EIF3A: variants seen among roughly 807,000 people sequenced by gnomAD.
EIF3A encodes the protein eukaryotic translation initiation factor 3 subunit A, also known as EIF3, p180 subunit.
EIF3A carries 21 observed loss-of-function variants against 186.6 expected under a neutral mutation model. That is an observed-to-expected ratio of 0.11 (90% CI 0.08 to 0.16). EIF3A has a LOEUF of 0.16. Among genes scored for constraint, EIF3A ranks in the 10% least tolerant of loss-of-function variants. The pLI is 1.00. For missense variants in EIF3A, 1,306 were observed against 1,796.3 expected (o/e 0.73, Z 4.93); for synonymous variants, 563 against 584.3 (o/e 0.96, Z 0.52).
At position 119,065,482 on chromosome 10, in the gene EIF3A, T is replaced by C. The variant is rs766634954; in HGVS notation, c.1039A>G (p.Ile347Val). ...DIARLLDMDGIIVEKQRRLAT... is the reference protein window; with the variant it reads ...DIARLLDMDGVIVEKQRRLAT... Reference sequence around the variant, plus strand: ...AGGCGACGCTGTTTTTCAACTATAATGCCATCCATATCCAGAAGTCGAGCA... The same window carrying C: ...AGGCGACGCTGTTTTTCAACTATAACGCCATCCATATCCAGAAGTCGAGCA... Residue 347 changes from isoleucine (I) to valine (V), a missense_variant, in exon 7 of 22, where the codon ATT becomes GTT. By Grantham distance (29) the Ile-to-Val change is conservative. Around this residue, in one of 8 missense-constraint regions of EIF3A, gnomAD observed 267 missense variants for 367.8 expected, o/e 0.73. Coordinates refer to ENST00000369144, the MANE Select transcript of EIF3A (RefSeq NM_003750.4). The C allele has an allele frequency of 3.7e-6, 6 of 1,613,440 alleles. No homozygotes were observed. In the African/African-American group the frequency reaches 5.3e-5, roughly 14 times the overall value.
In EIF3A at chr10:119,073,476, A is replaced by AT; in HGVS notation, c.341dup (p.Asp114GlufsTer7). ...TTTGAATATTATCTAGATCCTCTATATCTAAGACCATCTGCTGAGATTCTT... is the reference window on the plus strand; with the variant it reads ...TTTGAATATTATCTAGATCCTCTATATTCTAAGACCATCTGCTGAGATTCTT... On this transcript the variant is annotated frameshift_variant, in exon 3 of 22. Coordinates refer to ENST00000369144, the MANE Select transcript of EIF3A (RefSeq NM_003750.4). LOFTEE classifies it high-confidence loss of function. 1 of 1,607,672 alleles carries AT rather than the reference A, an allele frequency of 6.2e-7. No homozygotes were observed. Among genetic ancestry groups the AT allele is most frequent in the Non-Finnish European group, 8.5e-7 (1 of 1,174,330 alleles).
Position 119,048,206 on chromosome 10 carries a change from G to A in EIF3A, c.2658+1595C>T, listed in dbSNP as rs1300054010. ...AACAGCAGGCACAGTGATCAAACAT[G>A]CTGTATTATGAAAAATCAAGCAGGC... On this transcript the variant is annotated intron_variant, in intron 17 of 21. Transcript: ENST00000369144. Among the ~76,000 whole-genome samples, 4 of 146,948 alleles carry A rather than the reference G, an allele frequency of 2.7e-5. 1 individual carries two copies. In the South Asian group the frequency reaches 6.2e-4, roughly 23 times the overall value.
rs1440024862 is a variant in EIF3A, at chr10:119,071,104, A to G, written c.542-19T>C. The G allele has an allele frequency of 6.4e-7, 1 of 1,553,202 alleles. No homozygotes were observed. Among genetic ancestry groups the G allele is most frequent in the South Asian group, 1.1e-5 (1 of 89,766 alleles). The stretch of plus-strand genomic sequence containing the variant: ...TTGAAAGCTATAAGCATAATTGTAA[A>G]ATATATTAGGTACCTTCCACTATCT... On this transcript the variant is annotated intron_variant, in intron 4 of 21. Transcript: ENST00000369144.
intron 12 of EIF3A, 150 bp downstream of exon 12, chr10:119,057,806 A>C (rs545065269): frequency 1.5e-6 from 1 of 654,316 alleles, no homozygotes; most frequent in South Asian, 1.9e-5. Flanking sequence ...AGAGCAATAA[A>C]CATATGCTTA....
In EIF3A at chr10:119,061,284, G is replaced by A. The variant is rs1317016267; in HGVS notation, c.1167C>T (p.Asp389=). The change falls in exon 8 of 22, where the codon GAC becomes GAT. Residue 389 remains aspartate (D), a synonymous_variant. Transcript: ENST00000369144. ...ATTCTACTTCAAGCCAATTGTAAAGGTCTTTCACTTCTGGGACAACATATT... is the reference window on the plus strand; with the variant it reads ...ATTCTACTTCAAGCCAATTGTAAAGATCTTTCACTTCTGGGACAACATATT... ...VLQYVVPEVK[D]LYNWLEVEFN... The A allele has an allele frequency of 3.8e-6, 6 of 1,594,042 alleles. No homozygotes were observed. Among genetic ancestry groups the A allele is most frequent in the Non-Finnish European group, 5.1e-6 (6 of 1,167,342 alleles).
At chr10:119,064,552 A>G (rs1397918068) in intron 7 of EIF3A, among the ~76,000 whole-genome samples, 2 of 152,204 alleles carry the variant, frequency 1.3e-5, no homozygotes, top group African/African-American at 4.8e-5. Flanking sequence ...CTCCAGCCGT[A>G]TAAGCCATAC....
Position 119,058,052 on chromosome 10 carries a change from T to C in EIF3A, c.1881A>G (p.Glu627=), listed in dbSNP as rs373842447. ...CAGTTTTCTTTTTGATTTGTTCATG[T>C]TCCTGTAAGATACGCTCCTTCTCTC... ...KEREKERILQ[E]HEQIKKKTVR... Residue 627 remains glutamate, a synonymous_variant, in exon 12 of 22, where the codon GAA becomes GAG. Transcript: ENST00000369144. 17 of 1,614,150 alleles carry C rather than the reference T, an allele frequency of 1.1e-5. No homozygotes were observed. The African/African-American group carries it at 2.1e-4, about 20-fold the overall frequency.
intron 17 of EIF3A, among the ~76,000 whole-genome samples, chr10:119,046,932 G>A (rs879914485): frequency 2.2e-4 from 34 of 151,718 alleles, no homozygotes; most frequent in African/African-American, 3.6e-4. Context: ...ACTCCAGCCC[G>A]GGCAAAAAGG....
Position 119,036,102 on chromosome 10 carries a change from C to T in EIF3A, c.4086G>A (p.Arg1362=). 1 of 1,613,670 alleles carries T rather than the reference C, an allele frequency of 6.2e-7. No individual in the cohort carries two copies. The highest frequency in any genetic ancestry group is 8.5e-7 in the Non-Finnish European group (1 of 1,179,918). Residue 1362 remains arginine, a synonymous_variant, in exon 22 of 22, where the codon AGG becomes AGA. Transcript: ENST00000369144. ...CATTTTTAGTACGACGGAGAGATTCCCTATCTTTCTCAGCTCTCCATGAGG... is the reference window on the plus strand; with the variant it reads ...CATTTTTAGTACGACGGAGAGATTCTCTATCTTTCTCAGCTCTCCATGAGG... The part of the protein sequence containing the change: ...EKASWRAEKD[R]ESLRRTKNET...
intron 12 of EIF3A, among the ~76,000 whole-genome samples, chr10:119,057,557 T>C (rs1332150570): frequency 1.3e-5 from 2 of 152,090 alleles, no homozygotes; most frequent in African/African-American, 4.8e-5. Flanking sequence ...AGTAGATCAC[T>C]TGAGGTCAGG....
chr10:119,063,619 AT>A (rs1379849223), intron 7 of EIF3A, among the ~76,000 whole-genome samples: 1 of 152,154 alleles, frequency 6.6e-6, no homozygotes, highest in Non-Finnish European at 1.5e-5. Flanking sequence ...CCCCAAAGTA[AT>A]CTACTGGAGG....
intron 7 of EIF3A, among the ~76,000 whole-genome samples, chr10:119,062,033 C>T (rs551018415): frequency 5.9e-5 from 9 of 152,296 alleles, no homozygotes; most frequent in African/African-American, 1.9e-4. Context: ...AGGGCACCCA[C>T]ACATGGGAGC....
At position 119,060,424 on chromosome 10, in the gene EIF3A, GA is replaced by G. The variant is rs559382323; in HGVS notation, c.1326+321del. On this transcript the variant is annotated intron_variant, in intron 9 of 21. Transcript: ENST00000369144. Reference sequence around the variant, plus strand: ...TCAATGCTACAAGATTTCTAACAGGGAAAAAAAAAATCTAGGAATACAGGTT... The same window carrying G: ...TCAATGCTACAAGATTTCTAACAGGGAAAAAAAAATCTAGGAATACAGGTT... 6.4e-3 allele frequency among the ~76,000 whole-genome samples: 955 copies of G among 148,790 alleles called. 12 individuals are homozygous for G. The highest frequency in any genetic ancestry group is 0.022 in the African/African-American group (895 of 40,662).
At chr10:119,041,140 T>C (rs1236874393) in intron 19 of EIF3A, among the ~76,000 whole-genome samples, 2 of 151,692 alleles carry the variant, frequency 1.3e-5, no homozygotes, top group African/African-American at 2.4e-5. Flanking sequence ...ATCATACCAC[T>C]GCACTCCAGC....
chr10:119,036,319 G>A, intron 21 of EIF3A, 51 bp from the exon 22 acceptor site: 1 of 1,233,698 alleles, frequency 8.1e-7, no homozygotes. Flanking sequence ...ATATTCTATT[G>A]GCTCAAATTA....
chr10:119,044,210 C>T, intron 17 of EIF3A, 68 bp from the exon 18 acceptor site: 2 of 1,010,372 alleles, frequency 2.0e-6, no homozygotes, highest in Admixed American at 2.0e-5. Flanking sequence ...ACTGGTATTA[C>T]CATTCAAATA....
At chr10:119,074,988 T>TC (rs1455165902) in intron 1 of EIF3A, among the ~76,000 whole-genome samples, 2 of 145,486 alleles carry the variant, frequency 1.4e-5, no homozygotes, top group South Asian at 4.4e-4. Flanking sequence ...TTTTTTCTTT[T>TC]TTTTTTTTTT....
intron 1 of EIF3A, among the ~76,000 whole-genome samples, chr10:119,078,607 C>G (rs1844212155): frequency 6.6e-6 from 1 of 152,076 alleles, no homozygotes; most frequent in Non-Finnish European, 1.5e-5. Context: ...GTATGAGTTT[C>G]TACTCTGAAG....
chr10:119,038,463 A>AT, intron 19 of EIF3A, 24 bp from the exon 20 acceptor site: 1 of 1,563,762 alleles, frequency 6.4e-7, no homozygotes, highest in Non-Finnish European at 8.7e-7. Flanking sequence ...AAAGCAAAAC[A>AT]TTTTTAAAAT....
Sources: gnomAD v4.1 joint callset for allele counts (sites outside exome capture counted in the v4.1 genomes callset) on GRCh38, gnomAD v4.1.1 for gene constraint, gnomAD v4.1.1 regional missense constraint, MANE v1.5 for transcripts, NCBI Gene and HGNC (gene_info 2026-07-23, HGNC 2026-07-21) for gene names.